TOX: variants seen among roughly 807,000 people sequenced by gnomAD.
The protein encoded by TOX is thymocyte selection associated high mobility group box, also known as thymocyte selection-associated high mobility group box protein TOX.
Under a neutral mutation model 53.7 loss-of-function variants are expected in TOX, and 11 were observed. The ratio of observed to expected loss-of-function variants is 0.20; its 90% CI spans 0.13 to 0.34. The LOEUF is 0.34. Among genes scored for constraint, TOX ranks in the 10% least tolerant of loss-of-function variants. The pLI is 1.00. For synonymous variants in TOX, 225 were observed against 245.3 expected (o/e 0.92, Z 0.77); for missense variants, 570 against 664.6 (o/e 0.86, Z 1.56).
intron 1 of TOX, among the ~76,000 whole-genome samples, chr8:59,036,654 A>C (rs1333529008): frequency 6.6e-6 from 1 of 152,172 alleles, no homozygotes; most frequent in Non-Finnish European, 1.5e-5. Context: ...TTACATTCAG[A>C]TGTATTAGGT....
At chr8:59,056,533 AT>A (rs1225087895) in intron 1 of TOX, among the ~76,000 whole-genome samples, 1 of 152,076 alleles carries the variant, frequency 6.6e-6, no homozygotes, top group African/African-American at 2.4e-5. Context: ...CCTTAGTAAA[AT>A]GTTTGAAACT....
chr8:58,832,909 T>C (rs957445326), intron 5 of TOX, among the ~76,000 whole-genome samples: 1 of 152,362 alleles, frequency 6.6e-6, no homozygotes, highest in East Asian at 1.9e-4. Flanking sequence ...ATATGAATTA[T>C]GCATCCTGAA....
At chr8:58,879,092 A>G (rs1811339121) in intron 3 of TOX, among the ~76,000 whole-genome samples, 1 of 151,878 alleles carries the variant, frequency 6.6e-6, no homozygotes, top group South Asian at 2.1e-4. Context: ...CTCAACAACA[A>G]CAACAAAAAT....
intron 6 of TOX, among the ~76,000 whole-genome samples, chr8:58,819,311 C>T (rs542163520): frequency 1.3e-4 from 20 of 152,122 alleles, no homozygotes; most frequent in Non-Finnish European, 2.9e-5. Context: ...ACACATTAAC[C>T]ACTTTTATTT....
rs73252665 is a variant in TOX, at chr8:58,925,790, T to C, written c.411+13512A>G. Among the ~76,000 whole-genome samples the C allele has an allele frequency of 6.2e-3, 945 of 152,310 alleles. 9 individuals are homozygous for C. Among genetic ancestry groups the C allele is most frequent in the African/African-American group, 0.022 (894 of 41,562 alleles). ...TAAACACATCTGCATTTTTATTCCA[T>C]CTTTTAAAGTATACTGCGCTCTGAG... On this transcript the variant is annotated intron_variant, in intron 3 of 8. Coordinates refer to ENST00000361421, the MANE Select transcript of TOX (RefSeq NM_014729.3).
chr8:58,931,108 C>T (rs1329457797), intron 3 of TOX, among the ~76,000 whole-genome samples: 1 of 152,142 alleles, frequency 6.6e-6, no homozygotes, highest in East Asian at 1.9e-4. Context: ...AGATGGGAAA[C>T]TGCTGGCTAG....
chr8:58,879,067 A>AAAAC (rs1244136160), intron 3 of TOX, among the ~76,000 whole-genome samples: 1 of 151,704 alleles, frequency 6.6e-6, no homozygotes, highest in African/African-American at 2.4e-5. Context: ...TCTCAAAAAA[A>AAAAC]AAAAAACAAA....
At chr8:59,032,535 C>T (rs150685552) in intron 1 of TOX, among the ~76,000 whole-genome samples, 15 of 152,266 alleles carry the variant, frequency 9.9e-5, no homozygotes, top group Non-Finnish European at 2.1e-4. Context: ...AATTGCATTC[C>T]TCCTTCTTCA....
intron 3 of TOX, among the ~76,000 whole-genome samples, chr8:58,855,401 C>A (rs1810898535): frequency 6.6e-6 from 1 of 152,094 alleles, no homozygotes; most frequent in Admixed American, 6.6e-5. Flanking sequence ...TCTGTCTGAC[C>A]AATATCTGTT....
At chr8:59,028,255 G>A (rs539201511) in intron 1 of TOX, among the ~76,000 whole-genome samples, 26 of 150,760 alleles carry the variant, frequency 1.7e-4, no homozygotes, top group African/African-American at 5.8e-4. Context: ...TTTTTCCTTC[G>A]AAAGGAAGTT....
chr8:58,864,174 A>G (rs1811058998), intron 3 of TOX, among the ~76,000 whole-genome samples: 3 of 152,174 alleles, frequency 2.0e-5, no homozygotes, highest in African/African-American at 7.2e-5. Flanking sequence ...TCATCCAATG[A>G]TAAGGATGAG....
At chr8:59,015,432 T>C (rs1324548274) in intron 1 of TOX, among the ~76,000 whole-genome samples, 1 of 152,220 alleles carries the variant, frequency 6.6e-6, no homozygotes, top group Non-Finnish European at 1.5e-5. Flanking sequence ...ATATACCCAC[T>C]ATCTCTGAAT....
chr8:58,960,161 C>A (rs138340215), intron 1 of TOX, among the ~76,000 whole-genome samples, 153 bp from the exon 2 acceptor site: 5 of 152,234 alleles, frequency 3.3e-5, no homozygotes, highest in African/African-American at 1.2e-4. Context: ...TCACAGCAAG[C>A]GAGCCACATC....
At chr8:59,069,873 A>G (rs755749525) in intron 1 of TOX, among the ~76,000 whole-genome samples, 1 of 152,198 alleles carries the variant, frequency 6.6e-6, no homozygotes, top group Non-Finnish European at 1.5e-5. Flanking sequence ...TTCAGTGTTG[A>G]CCTTTCAGAG....
intron 3 of TOX, among the ~76,000 whole-genome samples, chr8:58,915,572 C>T (rs1169401973): frequency 7.7e-6 from 1 of 130,418 alleles, no homozygotes; most frequent in Admixed American, 7.8e-5. Flanking sequence ...CATCAAAGAC[C>T]AAAAGTAGAT....
intron 3 of TOX, among the ~76,000 whole-genome samples, chr8:58,879,242 C>G (rs1811341906): frequency 6.6e-6 from 1 of 152,086 alleles, no homozygotes; most frequent in African/African-American, 2.4e-5. Context: ...CCATATTAGA[C>G]TACTGGCATG....
At chr8:58,968,913 A>G (rs1158574217) in intron 1 of TOX, among the ~76,000 whole-genome samples, 5 of 152,174 alleles carry the variant, frequency 3.3e-5, no homozygotes, top group Non-Finnish European at 5.9e-5. Context: ...GTGGGTTGAA[A>G]CGGTAAAACT....
chr8:58,860,029 G>A (rs953100529), intron 3 of TOX, among the ~76,000 whole-genome samples: 7 of 152,148 alleles, frequency 4.6e-5, no homozygotes, highest in Admixed American at 6.5e-5. Context: ...CCAGAAAGAA[G>A]TGTCTTAGTT....
intron 3 of TOX, among the ~76,000 whole-genome samples, chr8:58,932,311 A>T (rs893227938): frequency 6.6e-6 from 1 of 152,148 alleles, no homozygotes; most frequent in African/African-American, 2.4e-5. Flanking sequence ...TAATTGCTAA[A>T]CATTTGATGA....
Sources: allele counts gnomAD v4.1 joint callset (sites outside exome capture counted in the v4.1 genomes callset), GRCh38; gene constraint gnomAD v4.1.1; transcripts MANE v1.5; gene names NCBI Gene and HGNC (gene_info 2026-07-23, HGNC 2026-07-21).